Variants in UMAD1 observed in about 807,000 individuals in gnomAD.
UMAD1 encodes the protein UBAP1-MVB12-associated (UMA) domain containing 1.
In UMAD1, 8 loss-of-function variants were observed where a neutral mutation model predicts 6.1. The ratio of observed to expected loss-of-function variants is 1.30; its 90% CI spans 0.76 to 2.35. The LOEUF (loss-of-function observed/expected upper bound fraction) is 2.35. Among genes scored for constraint, UMAD1 ranks in the 30% most tolerant of loss-of-function variants. The pLI, the probability that UMAD1 is intolerant of heterozygous loss-of-function variation, is 0.00. For missense variants in UMAD1, 130 were observed against 78.4 expected (o/e 1.66, Z -2.49); for synonymous variants, 56 against 31.4 (o/e 1.78, Z -2.61).
Position 7,709,275 on chromosome 7 carries a change from A to T in UMAD1, c.82+35822A>T, listed in dbSNP as rs533981436. Among the ~76,000 whole-genome samples the T allele has an allele frequency of 5.3e-5, 8 of 152,292 alleles. No individual in the cohort carries two copies. In the South Asian group the frequency reaches 1.2e-3, roughly 24 times the overall value. Reference sequence around the variant, plus strand: ...TACTTTTAATATGGATTTAACTGAGATTCTAGACTATATTCTTTGTAAATA... The same window carrying T: ...TACTTTTAATATGGATTTAACTGAGTTTCTAGACTATATTCTTTGTAAATA... On this transcript the variant is annotated intron_variant, in intron 2 of 3. Coordinates refer to ENST00000682710, the MANE Select transcript of UMAD1 (RefSeq NM_001302348.2).
At chr7:7,793,292 G>T (rs533180987) in intron 2 of UMAD1, among the ~76,000 whole-genome samples, 1 of 152,286 alleles carries the variant, frequency 6.6e-6, no homozygotes, top group South Asian at 2.1e-4. Flanking sequence ...TTTGGTAGAG[G>T]ATTTGGGTAG....
intron 2 of UMAD1, among the ~76,000 whole-genome samples, chr7:7,717,735 T>C (rs1324390015): frequency 6.6e-6 from 1 of 152,234 alleles, no homozygotes; most frequent in Non-Finnish European, 1.5e-5. Flanking sequence ...ACAAAGAAGT[T>C]AGTTTGTCAT....
chr7:7,699,799 T>C (rs1164958582), intron 2 of UMAD1, among the ~76,000 whole-genome samples: 1 of 152,198 alleles, frequency 6.6e-6, no homozygotes, highest in Admixed American at 6.5e-5. Flanking sequence ...TTAGTAAATA[T>C]TTGTTGGGGG....
rs140476605 is a variant in UMAD1, at chr7:7,878,134, C to T, written c.*596C>T. 2.6e-5 allele frequency: 4 copies of T among 152,592 alleles called. No homozygotes were observed. The highest frequency in any genetic ancestry group is 5.9e-5 in the Non-Finnish European group (4 of 68,240). 9.5% of individuals were successfully genotyped at this position (152,592 alleles called of 1,614,324 possible). On this transcript the variant is annotated 3_prime_UTR_variant, in exon 4 of 4. Transcript: ENST00000682710. Reference sequence around the variant, plus strand: ...GTGCTCTTTCTGGAGTGGCCCATTTCGGTTTTCTGAAACCCATGGCAGCCC... The same window carrying T: ...GTGCTCTTTCTGGAGTGGCCCATTTTGGTTTTCTGAAACCCATGGCAGCCC...
intron 3 of UMAD1, among the ~76,000 whole-genome samples, chr7:7,860,899 A>C (rs1346987069): frequency 6.6e-6 from 1 of 152,230 alleles, no homozygotes; most frequent in Admixed American, 6.5e-5. Flanking sequence ...ATATACATAC[A>C]ATGAAATCTT....
intron 1 of UMAD1, among the ~76,000 whole-genome samples, chr7:7,660,320 A>T (rs1281977579): frequency 5.3e-5 from 8 of 152,290 alleles, no homozygotes; most frequent in African/African-American, 1.9e-4. Context: ...TAATAATGTT[A>T]TGTGTGAATT....
At chr7:7,661,785 C>G (rs1414905572) in intron 1 of UMAD1, among the ~76,000 whole-genome samples, 1 of 152,146 alleles carries the variant, frequency 6.6e-6, no homozygotes, top group Non-Finnish European at 1.5e-5. Flanking sequence ...ACATGGGTGT[C>G]AGGGACCCAC....
At chr7:7,661,992 C>T (rs1237016139) in intron 1 of UMAD1, among the ~76,000 whole-genome samples, 1 of 152,190 alleles carries the variant, frequency 6.6e-6, no homozygotes, top group Non-Finnish European at 1.5e-5. Flanking sequence ...GCCTTTCTTT[C>T]AGAGATGCCC....
intron 1 of UMAD1, among the ~76,000 whole-genome samples, chr7:7,655,833 C>T (rs556471755): frequency 1.3e-5 from 2 of 151,744 alleles, no homozygotes; most frequent in African/African-American, 4.8e-5. Context: ...CTCTCTCTCT[C>T]TCTCTTTGTT....
chr7:7,834,608 G>T (rs1013903751), intron 3 of UMAD1, among the ~76,000 whole-genome samples: 3 of 150,892 alleles, frequency 2.0e-5, no homozygotes, highest in Admixed American at 1.3e-4. Context: ...CCTTCTTGCT[G>T]TGTCTTCACA....
At chr7:7,705,165 A>C (rs1351215007) in intron 2 of UMAD1, among the ~76,000 whole-genome samples, 1 of 152,216 alleles carries the variant, frequency 6.6e-6, no homozygotes, top group African/African-American at 2.4e-5. Context: ...AAGAGATCTC[A>C]ACTTAGGAAT....
At chr7:7,652,024 G>T (rs2115551090) in intron 1 of UMAD1, among the ~76,000 whole-genome samples, 1 of 152,286 alleles carries the variant, frequency 6.6e-6, no homozygotes, top group Non-Finnish European at 1.5e-5. Flanking sequence ...TGTCAGGGAG[G>T]GGTAGAAGGA....
At chr7:7,673,983 G>T (rs1373142694) in intron 2 of UMAD1, among the ~76,000 whole-genome samples, 1 of 152,106 alleles carries the variant, frequency 6.6e-6, no homozygotes, top group Non-Finnish European at 1.5e-5. Context: ...ATCAAATACA[G>T]TGTTCTTCAC....
chr7:7,780,669 A>G (rs1400836198), intron 2 of UMAD1, among the ~76,000 whole-genome samples: 1 of 152,184 alleles, frequency 6.6e-6, no homozygotes, highest in Non-Finnish European at 1.5e-5. Context: ...TTCTAACAGC[A>G]CAGATTGTTT....
chr7:7,786,112 A>G (rs1205907485), intron 2 of UMAD1, among the ~76,000 whole-genome samples: 1 of 152,214 alleles, frequency 6.6e-6, no homozygotes, highest in Non-Finnish European at 1.5e-5. Context: ...TGCATTTCAT[A>G]AAAGCAAGGG....
At chr7:7,644,581 A>G (rs1268637126) in intron 1 of UMAD1, among the ~76,000 whole-genome samples, 1 of 152,046 alleles carries the variant, frequency 6.6e-6, no homozygotes, top group Non-Finnish European at 1.5e-5. Context: ...TAAGTCTCCA[A>G]TCTCTGTTTT....
At chr7:7,802,744 T>C (rs1436062602) in intron 3 of UMAD1, among the ~76,000 whole-genome samples, 1 of 152,214 alleles carries the variant, frequency 6.6e-6, no homozygotes, top group African/African-American at 2.4e-5. Context: ...GTCAGAGACC[T>C]GGCCAGTGTG....
intron 2 of UMAD1, among the ~76,000 whole-genome samples, chr7:7,778,261 TGTGTGTGTGTGTGTG>T (rs1782262474): frequency 7.1e-6 from 1 of 140,612 alleles, no homozygotes; most frequent in Non-Finnish European, 1.5e-5. Flanking sequence ...TGTGTGTGTG[TGTGTGTGTGTGTGTG>T]AGAGAGAGAG....
chr7:7,679,983 G>C (rs570918596), intron 2 of UMAD1, among the ~76,000 whole-genome samples: 1 of 151,902 alleles, frequency 6.6e-6, no homozygotes, highest in East Asian at 1.9e-4. Context: ...CTCCCATTCT[G>C]TGGGTTGTCT....
Sources: allele counts gnomAD v4.1 joint callset (sites outside exome capture counted in the v4.1 genomes callset), GRCh38; gene constraint gnomAD v4.1.1; transcripts MANE v1.5; gene names NCBI Gene and HGNC (gene_info 2026-07-23, HGNC 2026-07-21).